ZKSCAN7: variants seen among roughly 807,000 people sequenced by gnomAD.
The protein encoded by ZKSCAN7 is zinc finger with KRAB and SCAN domains 7.
In ZKSCAN7, 38 loss-of-function variants were observed where a neutral mutation model predicts 65.3. That is an observed-to-expected ratio of 0.58 (90% CI 0.45 to 0.76). The LOEUF (loss-of-function observed/expected upper bound fraction) is 0.76, where lower values mean the gene tolerates loss of function less well. ZKSCAN7 is among the 30% of genes least tolerant of loss of function. ZKSCAN7 has a pLI of 0.00. For synonymous variants in ZKSCAN7, 321 were observed against 321.0 expected (o/e 1.00, Z 0.00); for missense variants, 815 against 913.3 (o/e 0.89, Z 1.39).
Position 44,570,784 on chromosome 3 carries a change from A to T in ZKSCAN7, c.1674A>T (p.Lys558Asn), listed in dbSNP as rs776408245. ...EKPYECSECGKAFSRSKCLIR... is the reference protein window; with the variant it reads ...EKPYECSECGNAFSRSKCLIR... Reference sequence around the variant, plus strand: ...CTTATGAGTGTAGTGAATGTGGCAAAGCCTTCAGTCGGAGTAAATGTCTTA... The same window carrying T: ...CTTATGAGTGTAGTGAATGTGGCAATGCCTTCAGTCGGAGTAAATGTCTTA... The change falls in exon 6 of 6, where the codon AAA becomes AAT. Residue 558 changes from lysine (K) to asparagine (N), a missense_variant. By Grantham distance (94) the Lys-to-Asn change is moderately conservative. Coordinates refer to ENST00000426540, the MANE Select transcript of ZKSCAN7 (RefSeq NM_001288590.2). The T allele has an allele frequency of 1.2e-6, 2 of 1,614,160 alleles. No homozygotes were observed. The highest frequency in any genetic ancestry group is 1.7e-6 in the Non-Finnish European group (2 of 1,180,032).
chr3:44,577,907 G>A (rs1280796802), intron 5 of ZKSCAN7, among the ~76,000 whole-genome samples: 6 of 152,286 alleles, frequency 3.9e-5, no homozygotes, highest in African/African-American at 1.4e-4. Context: ...GCTCAACTTG[G>A]ATGGGACACA....
At chr3:44,576,211 A>C (rs9838840), downstream of ZKSCAN7, among the ~76,000 whole-genome samples, 1,318 of 152,304 alleles carry the variant, frequency 8.7e-3, 15 homozygotes, top group African/African-American at 0.03. Context: ...AGTTACACCT[A>C]GTATTCTGTA....
intron 5 of ZKSCAN7, among the ~76,000 whole-genome samples, chr3:44,569,242 A>G (rs921541999): frequency 1.3e-5 from 2 of 152,196 alleles, no homozygotes; most frequent in Admixed American, 1.3e-4. Context: ...TGGGATGCTC[A>G]GGGTCACTTG....
chr3:44,567,507 T>C (rs187715503), intron 3 of ZKSCAN7, among the ~76,000 whole-genome samples: 12 of 152,260 alleles, frequency 7.9e-5, no homozygotes, highest in Middle Eastern at 3.4e-3. Flanking sequence ...GTTGGTCAGA[T>C]TGCTGACGGA....
At chr3:44,573,654 C>T (rs1419106893), downstream of ZKSCAN7, among the ~76,000 whole-genome samples, 1 of 152,160 alleles carries the variant, frequency 6.6e-6, no homozygotes, top group Non-Finnish European at 1.5e-5. Context: ...GCTCCCAGAT[C>T]CCAGGGACAA....
intron 2 of ZKSCAN7, among the ~76,000 whole-genome samples, chr3:44,559,327 C>G (rs552895340): frequency 6.6e-6 from 1 of 152,044 alleles, no homozygotes; most frequent in Non-Finnish European, 1.5e-5. Context: ...AATTGTTCCC[C>G]TATAATAGAA....
At chr3:44,580,238 G>GCTGCTCTCCCCC (rs1406008386) in intron 5 of ZKSCAN7, 4 of 1,612,540 alleles carry the variant, frequency 2.5e-6, no homozygotes, top group Non-Finnish European at 3.4e-6. Flanking sequence ...GAGAGAAGTA[G>GCTGCTCTCCCCC]CTGCTCTCCC....
Position 44,571,288 on chromosome 3 carries a change from A to G in ZKSCAN7, c.2178A>G (p.Lys726=). The change falls in exon 6 of 6, where the codon AAA becomes AAG. Residue 726 remains lysine, a synonymous_variant. Transcript: ENST00000426540. ...EKPYECSECG[K]AFSQRSTFNH... ...CTTATGAATGTAGTGAATGTGGGAA[A>G]GCCTTTAGTCAGCGTTCCACTTTTA... 1.9e-6 allele frequency: 3 copies of G among 1,614,258 alleles called. No homozygotes were observed. The highest frequency in any genetic ancestry group is 3.3e-4 in the Middle Eastern group (2 of 6,062).
intron 5 of ZKSCAN7, among the ~76,000 whole-genome samples, chr3:44,577,814 C>CATG: frequency 6.6e-6 from 1 of 152,202 alleles, no homozygotes; most frequent in South Asian, 2.1e-4. Context: ...CCACAGTTAA[C>CATG]GATGACAACA....
chr3:44,567,284 G>A (rs1699664838), intron 3 of ZKSCAN7, among the ~76,000 whole-genome samples: 1 of 151,920 alleles, frequency 6.6e-6, no homozygotes, highest in Non-Finnish European at 1.5e-5. Flanking sequence ...GAAGGAAAGG[G>A]AGAAAAAGAC....
chr3:44,575,673 G>A (rs988205187), downstream of ZKSCAN7, among the ~76,000 whole-genome samples: 7 of 152,192 alleles, frequency 4.6e-5, no homozygotes, highest in Admixed American at 3.9e-4. Context: ...CGCCTCCCAG[G>A]TTCAAGCAAT....
At chr3:44,566,149 G>A (rs568169000) in intron 3 of ZKSCAN7, among the ~76,000 whole-genome samples, 2 of 152,258 alleles carry the variant, frequency 1.3e-5, no homozygotes, top group East Asian at 3.9e-4. Context: ...AAATGTGGAA[G>A]AATTTTGAAG....
chr3:44,580,494 G>T (rs1700046807), intron 5 of ZKSCAN7: 1 of 1,609,692 alleles, frequency 6.2e-7, no homozygotes, highest in African/African-American at 1.3e-5. Flanking sequence ...GCTGCTGGTG[G>T]TAACAGCCAC....
At chr3:44,568,155 G>T in intron 4 of ZKSCAN7, 152 bp downstream of exon 4, 2 of 1,533,384 alleles carry the variant, frequency 1.3e-6, no homozygotes, top group Admixed American at 2.0e-5. Context: ...ACTCTATCTT[G>T]CCCTGGACTT....
chr3:44,574,396 G>A (rs1417432803), downstream of ZKSCAN7, among the ~76,000 whole-genome samples: 1 of 152,204 alleles, frequency 6.6e-6, no homozygotes, highest in Non-Finnish European at 1.5e-5. Flanking sequence ...TTACAGGTGT[G>A]AGCTGGCCTT....
chr3:44,579,890 AC>A, intron 5 of ZKSCAN7: 1 of 1,606,928 alleles, frequency 6.2e-7, no homozygotes, highest in Non-Finnish European at 8.5e-7. Context: ...GTCGGGCGTC[AC>A]GGAGGGCTCT....
chr3:44,560,231 A>G (rs960310900), intron 2 of ZKSCAN7, among the ~76,000 whole-genome samples: 93 of 152,292 alleles, frequency 6.1e-4, no homozygotes, highest in African/African-American at 2.1e-3. Context: ...TGACACGAAG[A>G]CATAAGGGCA....
At chr3:44,580,777 A>G in intron 5 of ZKSCAN7, 1 of 1,612,972 alleles carries the variant, frequency 6.2e-7, no homozygotes, top group Non-Finnish European at 8.5e-7. Context: ...TCCAGGGCGT[A>G]GCGCAAGAGG....
intron 5 of ZKSCAN7, among the ~76,000 whole-genome samples, chr3:44,581,624 A>G (rs1663612173): frequency 1.3e-5 from 2 of 152,258 alleles, no homozygotes; most frequent in Non-Finnish European, 2.9e-5. Context: ...GAAAAAAGGT[A>G]TCAGTAAACA....
Sources: gnomAD v4.1 joint callset for allele counts (sites outside exome capture counted in the v4.1 genomes callset) on GRCh38, gnomAD v4.1.1 for gene constraint, MANE v1.5 for transcripts, NCBI Gene and HGNC (gene_info 2026-07-23, HGNC 2026-07-21) for gene names.